The following ARPC1A variants were observed in gnomAD, a reference collection of about 807,000 sequenced individuals.
The protein encoded by ARPC1A is actin related protein 2/3 complex subunit 1A.
A neutral mutation model predicts 46.9 loss-of-function variants in ARPC1A; 8 were observed. That is an observed-to-expected ratio of 0.17 (90% CI 0.10 to 0.31). ARPC1A has a LOEUF of 0.31. Among genes scored for constraint, ARPC1A ranks in the 10% least tolerant of loss-of-function variants. The probability of loss-of-function intolerance (pLI) is 1.00; values close to 1 mark genes in which losing one functional copy is unlikely to be tolerated. For synonymous variants in ARPC1A, 152 were observed against 169.0 expected, an observed-to-expected ratio of 0.90 and a Z score of 0.78; for missense variants, 286 against 483.6, an observed-to-expected ratio of 0.59 and a Z score of 3.83.
chr7:99,359,173 C>T (rs1793694722), intron 7 of ARPC1A, among the ~76,000 whole-genome samples: 1 of 150,460 alleles, frequency 6.6e-6, no homozygotes, highest in Non-Finnish European at 1.5e-5. Context: ...CGATGGCTCA[C>T]GCCTGTAGTC....
At chr7:99,337,348 G>C (rs546472806) in intron 2 of ARPC1A, among the ~76,000 whole-genome samples, 137 of 152,286 alleles carry the variant, frequency 9.0e-4, no homozygotes, top group Middle Eastern at 3.4e-3. Flanking sequence ...TTGAACCTGG[G>C]AGGCGGAGGT....
intron 6 of ARPC1A, among the ~76,000 whole-genome samples, chr7:99,355,942 G>A (rs544046721): frequency 4.3e-4 from 65 of 152,296 alleles, no homozygotes; most frequent in African/African-American, 1.5e-3. Context: ...GGAAGGACTC[G>A]AATTACGGTG....
chr7:99,326,362 A>G (rs1793048066), intron 1 of ARPC1A, among the ~76,000 whole-genome samples: 1 of 152,134 alleles, frequency 6.6e-6, no homozygotes, highest in African/African-American at 2.4e-5. Context: ...GGGACTATTC[A>G]TCTCTTTAGT....
At chr7:99,349,771 C>T (rs1234725514) in intron 5 of ARPC1A, among the ~76,000 whole-genome samples, 4 of 151,444 alleles carry the variant, frequency 2.6e-5, no homozygotes, top group African/African-American at 4.9e-5. Flanking sequence ...ACTCGGGAGG[C>T]GGAGCTTGCA....
chr7:99,327,211 AG>A (rs2150855253), intron 1 of ARPC1A, among the ~76,000 whole-genome samples: 1 of 149,400 alleles, frequency 6.7e-6, no homozygotes, highest in African/African-American at 2.5e-5. Flanking sequence ...TTTTTCCTGC[AG>A]CCTCGACCTC....
At chr7:99,327,060 C>T (rs1395264786) in intron 1 of ARPC1A, among the ~76,000 whole-genome samples, 1 of 152,202 alleles carries the variant, frequency 6.6e-6, no homozygotes, top group Admixed American at 6.5e-5. Flanking sequence ...TGCCCTCTCT[C>T]CTCAATTTTA....
At chr7:99,329,257 T>C (rs1394229501) in intron 1 of ARPC1A, among the ~76,000 whole-genome samples, 2 of 147,872 alleles carry the variant, frequency 1.4e-5, no homozygotes, top group Non-Finnish European at 3.0e-5. Flanking sequence ...GCCGAGATCG[T>C]GCCACTGTAC....
intron 8 of ARPC1A, among the ~76,000 whole-genome samples, chr7:99,362,227 G>A (rs1321434084): frequency 6.6e-6 from 1 of 151,782 alleles, no homozygotes; most frequent in Admixed American, 6.6e-5. Context: ...CTGGGAGGTA[G>A]AGGTTGCAGT....
intron 5 of ARPC1A, among the ~76,000 whole-genome samples, chr7:99,349,332 G>A (rs1793511730): frequency 6.6e-6 from 1 of 151,952 alleles, no homozygotes; most frequent in South Asian, 2.1e-4. Flanking sequence ...TGAAGTGCTG[G>A]GATTACAGGC....
At position 99,348,898 on chromosome 7, in the gene ARPC1A, A is replaced by G. The variant is rs750113267; in HGVS notation, c.439A>G (p.Ser147Gly). The change falls in exon 5 of 10, where the codon AGC (serine) becomes GGC (glycine). Residue 147 changes from serine to glycine, a missense_variant. Transcript: ENST00000262942. ...AAAGCCGATTCGCTCCACAGTCCTC[A>G]GCTTGGATTGGCATCCCAACAACGT... ...IKKPIRSTVL[S>G]LDWHPNNVLL... 5 of 1,614,146 alleles carry G rather than the reference A, an allele frequency of 3.1e-6. No individual in the cohort carries two copies. The South Asian group carries it at 5.5e-5, about 18-fold the overall frequency.
intron 4 of ARPC1A, among the ~76,000 whole-genome samples, chr7:99,347,196 A>T (rs1415388127): frequency 6.6e-6 from 1 of 152,026 alleles, no homozygotes; most frequent in Non-Finnish European, 1.5e-5. Context: ...CAGCCTCCCA[A>T]GTAGTTGGGA....
At chr7:99,360,032 G>A (rs1237988987) in intron 8 of ARPC1A, 1 of 460,950 alleles carries the variant, frequency 2.2e-6, no homozygotes, top group Non-Finnish European at 4.0e-6. Context: ...GGGCCTCAGG[G>A]CAGCTGCTTC....
chr7:99,360,679 C>T (rs193288943), intron 8 of ARPC1A, among the ~76,000 whole-genome samples: 2 of 152,168 alleles, frequency 1.3e-5, no homozygotes, highest in African/African-American at 4.8e-5. Context: ...ATGGCTTACA[C>T]CTTTAATCCC....
intron 5 of ARPC1A, among the ~76,000 whole-genome samples, chr7:99,353,618 C>A (rs918468623): frequency 1.3e-5 from 2 of 151,978 alleles, no homozygotes; most frequent in Admixed American, 6.6e-5. Context: ...GTTGGGATTA[C>A]AGGCATGCGC....
Position 99,353,989 on chromosome 7 carries a change from T to G in ARPC1A, c.581T>G (p.Leu194Arg). ...GGCAGCAAGATGCCTTTTGGGCAGCTGATGTCAGAGTTTGGTGGCAGTGGC... is the reference window on the plus strand; with the variant it reads ...GGCAGCAAGATGCCTTTTGGGCAGCGGATGTCAGAGTTTGGTGGCAGTGGC... ...PWGSKMPFGQ[L>R]MSEFGGSGTG... The change falls in exon 6 of 10, where the codon CTG becomes CGG. Residue 194 changes from leucine to arginine, a missense_variant. Leu to Arg is a moderately radical substitution (Grantham distance 102, BLOSUM62 -2). Around this residue, in one of 5 missense-constraint regions of ARPC1A, gnomAD observed 182 missense variants for 276.7 expected, o/e 0.66. Transcript: ENST00000262942. 6.2e-7 allele frequency: 1 copy of G among 1,614,020 alleles called. No homozygotes were observed. Among genetic ancestry groups the G allele is most frequent in the Non-Finnish European group, 8.5e-7 (1 of 1,179,886 alleles).
rs1793505660 is a variant in ARPC1A, at chr7:99,348,891, A to G, written c.432A>G (p.Thr144=). ...ACATTAAAAAGCCGATTCGCTCCAC[A>G]GTCCTCAGCTTGGATTGGCATCCCA... ...SKHIKKPIRS[T]VLSLDWHPNN... is the part of the protein sequence containing the mutation. Residue 144 remains threonine (T), a synonymous_variant, in exon 5 of 10, where the codon ACA becomes ACG. Coordinates refer to ENST00000262942, the MANE Select transcript of ARPC1A (RefSeq NM_006409.4). The G allele has an allele frequency of 6.2e-7, 1 of 1,613,998 alleles. No individual in the cohort carries two copies.
intron 5 of ARPC1A, among the ~76,000 whole-genome samples, chr7:99,349,188 C>T (rs1444827046): frequency 6.6e-6 from 1 of 152,042 alleles, no homozygotes; most frequent in Non-Finnish European, 1.5e-5. Flanking sequence ...GTAGTTGGGA[C>T]TACAGGTATA....
intron 1 of ARPC1A, among the ~76,000 whole-genome samples, chr7:99,332,653 G>C (rs1793162898): frequency 6.6e-6 from 1 of 151,598 alleles, no homozygotes; most frequent in Non-Finnish European, 1.5e-5. Context: ...GCCCAGGCTG[G>C]AGTGCAGTAG....
chr7:99,357,029 T>G (rs1035446497), intron 6 of ARPC1A, among the ~76,000 whole-genome samples: 1 of 152,222 alleles, frequency 6.6e-6, no homozygotes, highest in African/African-American at 2.4e-5. Flanking sequence ...ATTTTATACA[T>G]TTTTATATAC....
Sources: allele counts gnomAD v4.1 joint callset (sites outside exome capture counted in the v4.1 genomes callset), GRCh38; gene constraint gnomAD v4.1.1; regional missense constraint gnomAD v4.1.1; transcripts MANE v1.5; gene names NCBI Gene and HGNC (gene_info 2026-07-23, HGNC 2026-07-21).